The following R3HDM1 variants were observed in gnomAD, a reference collection of about 807,000 sequenced individuals.
R3HDM1 encodes R3H domain containing 1.
R3HDM1 carries 46 observed loss-of-function variants against 141.1 expected under a neutral mutation model. The observed-to-expected ratio is 0.33, with a 90% CI of 0.26 to 0.42. R3HDM1 has a LOEUF of 0.42. Among genes scored for constraint, R3HDM1 ranks in the 10% least tolerant of loss-of-function variants. The pLI, the probability that R3HDM1 is intolerant of heterozygous loss-of-function variation, is 1.00. For missense variants in R3HDM1, 1,184 were observed against 1,368.3 expected, an observed-to-expected ratio of 0.87 and a Z score of 2.12; for synonymous variants, 435 against 472.9, an observed-to-expected ratio of 0.92 and a Z score of 1.04.
At chr2:135,702,716 C>T (rs1447425506) in intron 21 of R3HDM1, among the ~76,000 whole-genome samples, 1 of 150,636 alleles carries the variant, frequency 6.6e-6, no homozygotes, top group Non-Finnish European at 1.5e-5. Flanking sequence ...ACTCGGGAGG[C>T]TGAGGAAAGA....
At chr2:135,622,420 T>G in intron 6 of R3HDM1, 1 of 984,422 alleles carries the variant, frequency 1.0e-6, no homozygotes, top group Non-Finnish European at 1.2e-6. Flanking sequence ...AGAGGTTAAT[T>G]TTTTTTTAAG....
At chr2:135,676,142 A>C (rs904746718) in intron 20 of R3HDM1, among the ~76,000 whole-genome samples, 2 of 152,176 alleles carry the variant, frequency 1.3e-5, no homozygotes, top group Non-Finnish European at 2.9e-5. Context: ...CCTGGCCAAC[A>C]TTGTGAAACC....
At position 135,620,582 on chromosome 2, in the gene R3HDM1, G is replaced by A. The variant is rs1574418245; in HGVS notation, c.304-912G>A. 5.1e-6 allele frequency: 5 copies of A among 981,278 alleles called. No homozygotes were observed. The African/African-American group carries it at 8.8e-5, about 17-fold the overall frequency. 60.8% of individuals were successfully genotyped at this position (981,278 alleles called of 1,614,324 possible). On this transcript the variant is annotated intron_variant, in intron 5 of 26. Coordinates refer to ENST00000683871, the MANE Select transcript of R3HDM1 (RefSeq NM_001378107.1). Reference sequence around the variant, plus strand: ...GAAAATAGCAGGTAGCAGTCCTATTGGGGTAAAAAGTCTACGTGTCTGATT... The same window carrying A: ...GAAAATAGCAGGTAGCAGTCCTATTAGGGTAAAAAGTCTACGTGTCTGATT...
At chr2:135,710,284 A>G in intron 23 of R3HDM1, 53 bp downstream of exon 23, 1 of 1,542,638 alleles carries the variant, frequency 6.5e-7, no homozygotes, top group Admixed American at 1.8e-5. Context: ...TTGTTACCTA[A>G]GATTGACTTA....
At chr2:135,698,958 C>T (rs1475937680) in intron 21 of R3HDM1, among the ~76,000 whole-genome samples, 1 of 150,186 alleles carries the variant, frequency 6.7e-6, no homozygotes, top group Non-Finnish European at 1.5e-5. Flanking sequence ...GGTGGAGACA[C>T]ACATCCAAAC....
chr2:135,620,877 A>G (rs2105175252), intron 5 of R3HDM1, among the ~76,000 whole-genome samples: 1 of 152,222 alleles, frequency 6.6e-6, no homozygotes, highest in East Asian at 1.9e-4. Flanking sequence ...ACAATTAAAC[A>G]TTACGTATCT....
rs140774892 is a variant in R3HDM1, at chr2:135,705,613, G to C, written c.2460-3820G>C. On this transcript the variant is annotated intron_variant, in intron 21 of 26. Transcript: ENST00000683871. The stretch of plus-strand genomic sequence containing the variant: ...ATAACACCACTGCATTCCAGCCTGA[G>C]GAATAGAGTGAGACCTTGTCTGTTT... Among the ~76,000 whole-genome samples, 527 of 152,130 alleles carry C rather than the reference G, an allele frequency of 3.5e-3. 12 individuals are homozygous for C. Among genetic ancestry groups the C allele is most frequent in the Admixed American group, 0.031 (468 of 15,282 alleles).
intron 1 of R3HDM1, among the ~76,000 whole-genome samples, chr2:135,541,447 A>G (rs1697483464): frequency 6.6e-6 from 1 of 151,996 alleles, no homozygotes; most frequent in Non-Finnish European, 1.5e-5. Flanking sequence ...TGACCTCGTG[A>G]TCAGCCTGCC....
intron 6 of R3HDM1, 80 bp downstream of exon 6, chr2:135,621,688 A>G (rs564089600): frequency 1.0e-5 from 14 of 1,393,072 alleles, no homozygotes; most frequent in South Asian, 3.6e-5. Flanking sequence ...ATAATTATAT[A>G]TAGTATATCT....
chr2:135,660,901 T>C (rs982012910), intron 18 of R3HDM1, among the ~76,000 whole-genome samples: 2 of 151,070 alleles, frequency 1.3e-5, no homozygotes, highest in African/African-American at 4.9e-5. Context: ...ATAATAGATA[T>C]ATAGTAAATA....
chr2:135,679,604 T>C (rs774808657), intron 20 of R3HDM1, among the ~76,000 whole-genome samples: 21 of 152,244 alleles, frequency 1.4e-4, no homozygotes, highest in Non-Finnish European at 2.5e-4. Flanking sequence ...GCCATCCTTA[T>C]GTGGAAAGTT....
chr2:135,621,662 A>G (rs2061522650), intron 6 of R3HDM1, 54 bp downstream of exon 6: 2 of 1,452,920 alleles, frequency 1.4e-6, no homozygotes, highest in Non-Finnish European at 1.8e-6. Context: ...CAGTAATTCC[A>G]TCCTTTTCCC....
At chr2:135,703,090 T>C (rs1285123182) in intron 21 of R3HDM1, among the ~76,000 whole-genome samples, 1 of 152,208 alleles carries the variant, frequency 6.6e-6, no homozygotes, top group East Asian at 1.9e-4. Context: ...TGGTGAATTG[T>C]GTTTATGATA....
At chr2:135,547,811 T>C (rs1699049570) in intron 1 of R3HDM1, among the ~76,000 whole-genome samples, 1 of 145,326 alleles carries the variant, frequency 6.9e-6, no homozygotes, top group Non-Finnish European at 1.5e-5. Flanking sequence ...TCTTGCTCTG[T>C]CGCCCAGGCT....
At chr2:135,570,010 G>A (rs1284027263) in intron 1 of R3HDM1, among the ~76,000 whole-genome samples, 5 of 152,154 alleles carry the variant, frequency 3.3e-5, no homozygotes, top group Admixed American at 3.3e-4. Flanking sequence ...ACAGGCGTGA[G>A]CCACCATGCC....
chr2:135,551,843 C>G (rs1001731473), intron 1 of R3HDM1, among the ~76,000 whole-genome samples: 1 of 152,056 alleles, frequency 6.6e-6, no homozygotes, highest in Non-Finnish European at 1.5e-5. Flanking sequence ...TTTTCATTAT[C>G]TGATTCATTA....
intron 9 of R3HDM1, 91 bp from the exon 10 acceptor site, chr2:135,635,799 A>C: frequency 6.9e-7 from 1 of 1,453,358 alleles, no homozygotes; most frequent in Admixed American, 2.4e-5. Context: ...AACTTATTTT[A>C]TTTCTTTTCA....
intron 19 of R3HDM1, chr2:135,669,050 T>A (rs2067932783): frequency 6.1e-6 from 5 of 817,716 alleles, no homozygotes; most frequent in Non-Finnish European, 7.4e-6. Context: ...TGTTATGTTT[T>A]AATATTTTTA....
chr2:135,567,481 T>C (rs1703068532), intron 1 of R3HDM1, among the ~76,000 whole-genome samples: 1 of 152,208 alleles, frequency 6.6e-6, no homozygotes, highest in African/African-American at 2.4e-5. Flanking sequence ...GCTTACTGCT[T>C]GACCAATGTT....
Sources: gnomAD v4.1 joint callset for allele counts (sites outside exome capture counted in the v4.1 genomes callset) on GRCh38, gnomAD v4.1.1 for gene constraint, MANE v1.5 for transcripts, NCBI Gene and HGNC (gene_info 2026-07-23, HGNC 2026-07-21) for gene names.